The following MAP6 variants were observed in gnomAD, a reference collection of about 807,000 sequenced individuals.
MAP6 encodes microtubule associated protein 6.
In MAP6, 26 loss-of-function variants were observed where a neutral mutation model predicts 42.4. That is an observed-to-expected ratio of 0.61 (90% CI 0.45 to 0.85). MAP6 has a LOEUF of 0.85. Among genes scored for constraint, MAP6 ranks in the 40% least tolerant of loss-of-function variants. MAP6 has a pLI of 0.00. For missense variants in MAP6, 966 were observed against 1,099.0 expected, an observed-to-expected ratio of 0.88 and a Z score of 1.71; for synonymous variants, 418 against 443.8, an observed-to-expected ratio of 0.94 and a Z score of 0.73.
At chr11:75,596,872 G>A (rs185344442) in intron 3 of MAP6, among the ~76,000 whole-genome samples, 170 of 152,300 alleles carry the variant, frequency 1.1e-3, no homozygotes, top group Admixed American at 3.1e-3. Flanking sequence ...GTCATTGAAC[G>A]TTTCAGAGCA....
chr11:75,640,113 TG>T (rs1172280689), intron 1 of MAP6, among the ~76,000 whole-genome samples: 9 of 152,056 alleles, frequency 5.9e-5, no homozygotes, highest in Non-Finnish European at 1.2e-4. Context: ...TTGTCAGCAC[TG>T]GGGGTGGGGA....
chr11:75,632,469 T>C (rs1437035566), intron 1 of MAP6, among the ~76,000 whole-genome samples: 1 of 152,186 alleles, frequency 6.6e-6, no homozygotes, highest in Non-Finnish European at 1.5e-5. Context: ...TTGTATGCCT[T>C]CCTGATGCTT....
At chr11:75,618,257 A>G (rs982741410) in intron 1 of MAP6, among the ~76,000 whole-genome samples, 2 of 152,214 alleles carry the variant, frequency 1.3e-5, no homozygotes, top group Admixed American at 6.5e-5. Flanking sequence ...ACTCGATGTC[A>G]ATAAATTTGA....
In MAP6 at chr11:75,667,621, C is replaced by A. The variant is rs749691044; in HGVS notation, c.749G>T (p.Arg250Leu). 130 of 1,296,302 alleles carry A rather than the reference C, an allele frequency of 1.0e-4. No homozygotes were observed. Among genetic ancestry groups the A allele is most frequent in the Non-Finnish European group, 1.3e-4 (130 of 1,030,288 alleles). 80.3% of individuals were successfully genotyped at this position (1,296,302 alleles called of 1,614,324 possible). The stretch of plus-strand genomic sequence containing the variant: ...CTGCTCGTGCCCCAGGCCCTCGGCG[C>A]GGCGCACAATCCAGGCAGGCCCGGC... ...RKAGPAWIVR[R>L]AEGLGHEQTP... Residue 250 changes from arginine to leucine, a missense_variant, in exon 1 of 4, where the codon CGC becomes CTC. By Grantham distance (102) the Arg-to-Leu change is moderately radical. Around this residue, in one of 2 missense-constraint regions of MAP6, gnomAD observed 943 missense variants for 1,049.9 expected, o/e 0.90. Transcript: ENST00000304771. The surrounding 1 kb of genome is among the most constrained non-coding windows in gnomAD (Gnocchi z 5.6).
intron 2 of MAP6, chr11:75,607,835 G>T: frequency 4.1e-6 from 1 of 245,736 alleles, no homozygotes; most frequent in Non-Finnish European, 6.5e-6. Context: ...TGTTTATCTG[G>T]ATTTCTCAAA....
chr11:75,606,910 C>A (rs1942788452), intron 2 of MAP6, among the ~76,000 whole-genome samples: 1 of 152,206 alleles, frequency 6.6e-6, no homozygotes, highest in African/African-American at 2.4e-5. Context: ...TAGGCCACCC[C>A]CCTCATCTAT....
intron 3 of MAP6, chr11:75,605,226 C>T (rs774541083): frequency 1.7e-5 from 17 of 985,532 alleles, no homozygotes; most frequent in Non-Finnish European, 2.0e-5. Flanking sequence ...TTCTAATGGA[C>T]GATTCTATGA....
At position 75,667,499 on chromosome 11, in the gene MAP6, C is replaced by A. The variant is rs750659014; in HGVS notation, c.871G>T (p.Glu291Ter). ...AADALNRQIR[E>*]EVASAVSSSY... ...CTGCTCACTGCACTCGCCACCTCCT[C>A]GCGGATTTGCCGGTTGAGGGCGTCC... The change falls in exon 1 of 4, where the codon GAG becomes TAG. Residue 291 changes from glutamate (E) to a stop codon, truncating the protein, a stop_gained. Transcript: ENST00000304771. LOFTEE classifies it high-confidence loss of function. This position sits in a 1 kb window ranked among gnomAD's most constrained non-coding sequence, Gnocchi z 5.6. 4 of 1,509,652 alleles carry A rather than the reference C, an allele frequency of 2.6e-6. No individual in the cohort carries two copies. The Admixed American group carries it at 6.2e-5, about 23-fold the overall frequency. The allele number at this position is 1,509,652 out of a possible 1,614,324, so 93.5% of individuals were successfully genotyped here.
At chr11:75,643,014 CCTGTATTCATAGT>C in intron 1 of MAP6, 1 of 315,100 alleles carries the variant, frequency 3.2e-6, no homozygotes, top group African/African-American at 2.1e-5. Context: ...AGTAATCAAG[CCTGTATTCATAGT>C]CTATTTTGTG....
intron 1 of MAP6, among the ~76,000 whole-genome samples, chr11:75,645,365 G>A (rs898274761): frequency 2.0e-5 from 3 of 152,070 alleles, no homozygotes; most frequent in Non-Finnish European, 4.4e-5. Context: ...GATGGAGTCG[G>A]GGAACCTGCC....
chr11:75,612,536 C>T (rs531289133), intron 1 of MAP6, among the ~76,000 whole-genome samples: 6 of 152,256 alleles, frequency 3.9e-5, no homozygotes, highest in African/African-American at 1.4e-4. Flanking sequence ...CAGTCTGAGT[C>T]TGTATGGCAG....
At chr11:75,650,547 T>C (rs1323436959) in intron 1 of MAP6, among the ~76,000 whole-genome samples, 3 of 152,206 alleles carry the variant, frequency 2.0e-5, no homozygotes, top group African/African-American at 7.2e-5. Context: ...GTTCAGAGTC[T>C]GTTCCCTGAG....
At chr11:75,625,163 G>C (rs1223529248) in intron 1 of MAP6, among the ~76,000 whole-genome samples, 1 of 152,140 alleles carries the variant, frequency 6.6e-6, no homozygotes, top group African/African-American at 2.4e-5. Flanking sequence ...TTCCCTCCCA[G>C]CATTCATAAG....
Position 75,587,057 on chromosome 11 carries a change from T to A in MAP6, c.*2A>T, listed in dbSNP as rs1214956956. On this transcript the variant is annotated 3_prime_UTR_variant, in exon 4 of 4. Transcript: ENST00000304771. Reference sequence around the variant, plus strand: ...CTTCATTGGTGTGTCAAGGGGTGAGTGTCAAGGGGAGCTCTCAATGTATTC... The same window carrying A: ...CTTCATTGGTGTGTCAAGGGGTGAGAGTCAAGGGGAGCTCTCAATGTATTC... 1 of 1,572,196 alleles carries A rather than the reference T, an allele frequency of 6.4e-7. No homozygotes were observed. Among genetic ancestry groups the A allele is most frequent in the East Asian group, 2.3e-5 (1 of 44,356 alleles).
intron 3 of MAP6, chr11:75,603,653 C>T (rs1043379047): frequency 6.1e-5 from 60 of 985,046 alleles, no homozygotes; most frequent in Non-Finnish European, 6.9e-5. Flanking sequence ...ATTTGGGCAA[C>T]ACCAACTTGA....
At chr11:75,636,905 T>C (rs1943378904) in intron 1 of MAP6, among the ~76,000 whole-genome samples, 3 of 152,196 alleles carry the variant, frequency 2.0e-5, no homozygotes, top group Admixed American at 2.0e-4. Flanking sequence ...TGGCACAATA[T>C]TCCTTCTGGG....
In MAP6 at chr11:75,587,826, G is replaced by C; in HGVS notation, c.1675C>G (p.Leu559Val). The change falls in exon 4 of 4, where the codon CTA becomes GTA. Residue 559 changes from leucine to valine, a missense_variant. Physicochemically the swap from Leu to Val is conservative, Grantham distance 32 (BLOSUM62 1). Coordinates refer to ENST00000304771, the MANE Select transcript of MAP6 (RefSeq NM_033063.2). ...GGAATCCTAGGACCTTGATCCTTTA[G>C]AGACTCTGGTACCACAGAGCCTTGA... Reference protein sequence around the residue: ...KDQGSVVPESLKDQGPRIPEP... With the variant: ...KDQGSVVPESVKDQGPRIPEP... The C allele has an allele frequency of 6.2e-7, 1 of 1,614,154 alleles. No individual in the cohort carries two copies. The highest frequency in any genetic ancestry group is 8.5e-7 in the Non-Finnish European group (1 of 1,180,024).
rs754302787 is a variant in MAP6, at chr11:75,606,010, C to T, written c.1120-6G>A. 4.7e-5 allele frequency: 75 copies of T among 1,612,338 alleles called. No homozygotes were observed. The highest frequency in any genetic ancestry group is 5.9e-5 in the Non-Finnish European group (70 of 1,179,786). ...TGAACACTAGGTTTTTCCACCTGTACGGAGAGACAGACCGCAAATACAGAA... is the reference window on the plus strand; with the variant it reads ...TGAACACTAGGTTTTTCCACCTGTATGGAGAGACAGACCGCAAATACAGAA... On this transcript the variant is annotated splice_polypyrimidine_tract_variant and splice_region_variant and intron_variant, in intron 2 of 3. Transcript: ENST00000304771.
At chr11:75,642,078 TC>T (rs1943479642) in intron 1 of MAP6, among the ~76,000 whole-genome samples, 1 of 152,258 alleles carries the variant, frequency 6.6e-6, no homozygotes, top group South Asian at 2.1e-4. Flanking sequence ...ACTCATCATT[TC>T]CTAATTCTTT....
Sources: allele counts gnomAD v4.1 joint callset (sites outside exome capture counted in the v4.1 genomes callset), GRCh38; gene constraint gnomAD v4.1.1; regional missense constraint gnomAD v4.1.1; non-coding constraint Gnocchi (gnomAD v3.1); transcripts MANE v1.5; gene names NCBI Gene and HGNC (gene_info 2026-07-23, HGNC 2026-07-21).